Variants in STING1 observed in about 807,000 individuals in gnomAD.
The protein encoded by STING1 is stimulator of interferon genes protein.
Under a neutral mutation model 31.6 loss-of-function variants are expected in STING1, and 19 were observed. The observed-to-expected ratio is 0.60, with a 90% CI of 0.42 to 0.88. The LOEUF (loss-of-function observed/expected upper bound fraction) is 0.88. Among genes scored for constraint, STING1 ranks in the 40% least tolerant of loss-of-function variants. STING1 has a pLI of 0.00. For missense variants in STING1, 371 were observed against 483.7 expected (o/e 0.77, Z 2.19); for synonymous variants, 200 against 208.6 (o/e 0.96, Z 0.35).
chr5:139,481,564 C>T lies in STING1; in HGVS notation c.141G>A (p.Leu47=), dbSNP rs1304541029. Residue 47 remains leucine, a synonymous_variant, in exon 3 of 8, where the codon CTG becomes CTA. Transcript: ENST00000330794. The surrounding 1 kb of genome is among the most constrained non-coding windows in gnomAD (Gnocchi z 4.1). ...GEPPEHTLRY[L]VLHLASLQLG... is the part of the protein sequence containing the mutation. ...GCTGCAGGGAGGCTAGGTGGAGCAC[C>T]AGGTACCGGAGAGTGTGCTCTGGTG... The T allele has an allele frequency of 6.2e-7, 1 of 1,613,922 alleles. No homozygotes were observed. The highest frequency in any genetic ancestry group is 8.5e-7 in the Non-Finnish European group (1 of 1,179,972).
chr5:139,478,008 C>T lies in STING1; in HGVS notation c.759+262G>A, dbSNP rs545364205. ...CTCCTCTGTAAAGTGGGAATGCTAA[C>T]AGTCCCTACCCCATAGGGTGGTGGT... On this transcript the variant is annotated intron_variant, in intron 6 of 7. Transcript: ENST00000330794. Among the ~76,000 whole-genome samples, 5 of 152,338 alleles carry T rather than the reference C, an allele frequency of 3.3e-5. No homozygotes were observed. The South Asian group carries it at 1.0e-3, about 32-fold the overall frequency.
At chr5:139,476,554 C>T (rs551530231) in intron 7 of STING1, 100 bp from the exon 8 acceptor site, 11 of 1,077,622 alleles carry the variant, frequency 1.0e-5, no homozygotes, top group Non-Finnish European at 1.3e-5. Flanking sequence ...ACCCTCCCTA[C>T]CCCCCTTCCT....
In STING1 at chr5:139,475,978, A is replaced by C. The variant is rs1581447402; in HGVS notation, c.*283T>G. 1 of 341,206 alleles carries C rather than the reference A, an allele frequency of 2.9e-6. No individual in the cohort carries two copies. The highest frequency in any genetic ancestry group is 5.4e-6 in the Non-Finnish European group (1 of 183,940). 21.1% of individuals were successfully genotyped at this position (341,206 alleles called of 1,614,324 possible). ...CACCCCCTAAGTACACTAGCATCCAAAGTTTATGAAAAACTTCCACACACT... is the reference window on the plus strand; with the variant it reads ...CACCCCCTAAGTACACTAGCATCCACAGTTTATGAAAAACTTCCACACACT... On this transcript the variant is annotated 3_prime_UTR_variant, in exon 8 of 8. Coordinates refer to ENST00000330794, the MANE Select transcript of STING1 (RefSeq NM_198282.4).
Position 139,476,262 on chromosome 5 carries a change from C to T in STING1, c.1139G>A (p.Ter380=), listed in dbSNP as rs1581447677. The T allele has an allele frequency of 6.4e-7, 1 of 1,574,188 alleles. No homozygotes were observed. Among genetic ancestry groups the T allele is most frequent in the Non-Finnish European group, 8.6e-7 (1 of 1,160,480 alleles). Residue 380 remains the stop codon, a stop_retained_variant, in exon 8 of 8, where the codon TGA becomes TAA. Coordinates refer to ENST00000330794, the MANE Select transcript of STING1 (RefSeq NM_198282.4). ...KPLPLRTDFS[*] ...GCTCTGGCCTGGTGACCCTGGGTCT[C>T]AAGAGAAATCCGTGCGGAGAGGGAG...
At position 139,478,366 on chromosome 5, in the gene STING1, G is replaced by C. The variant is rs772425191; in HGVS notation, c.663C>G (p.Phe221Leu). 3.7e-6 allele frequency: 6 copies of C among 1,614,152 alleles called. No homozygotes were observed. The highest frequency in any genetic ancestry group is 5.1e-6 in the Non-Finnish European group (6 of 1,180,032). ...CGGTCTGCTGGGGCAGTTTATCCAG[G>C]AAGCGAATGTTGGGGTCAGCCATAC... ...NLSMADPNIR[F>L]LDKLPQQTGD... Residue 221 changes from phenylalanine to leucine, a missense_variant, in exon 6 of 8, where the codon TTC (phenylalanine) becomes TTG (leucine). Coordinates refer to ENST00000330794, the MANE Select transcript of STING1 (RefSeq NM_198282.4).
chr5:139,477,467 C>T lies in STING1; in HGVS notation c.808G>A (p.Ala270Thr). 3 of 1,614,184 alleles carry T rather than the reference C, an allele frequency of 1.9e-6. No individual in the cohort carries two copies. The highest frequency in any genetic ancestry group is 1.1e-5 in the South Asian group (1 of 91,088). Residue 270 changes from alanine (A) to threonine (T), a missense_variant, in exon 7 of 8, where the codon GCC becomes ACC. By Grantham distance (58) the Ala-to-Thr change is moderately conservative (BLOSUM62 0). Transcript: ENST00000330794. ...CCAGCTTGACTGTATTGTGACATGG[C>T]AAACAAAGTCTGCAAGGGGGTGGCG... Reference protein sequence around the residue: ...EYATPLQTLFAMSQYSQAGFS... With the variant: ...EYATPLQTLFTMSQYSQAGFS...
At chr5:139,477,957 C>T (rs956327486) in intron 6 of STING1, among the ~76,000 whole-genome samples, 4 of 152,164 alleles carry the variant, frequency 2.6e-5, no homozygotes, top group African/African-American at 9.7e-5. Context: ...GTCCACTTTC[C>T]TACGGTGTCT....
Position 139,481,848 on chromosome 5 carries a change from G to A in STING1, c.1-144C>T. 1 of 665,722 alleles carries A rather than the reference G, an allele frequency of 1.5e-6. No homozygotes were observed. Among genetic ancestry groups the A allele is most frequent in the Non-Finnish European group, 2.6e-6 (1 of 389,736 alleles). The allele number at this position is 665,722 out of a possible 1,614,324, so 41.2% of individuals were successfully genotyped here. On this transcript the variant is annotated intron_variant, in intron 2 of 7. Coordinates refer to ENST00000330794, the MANE Select transcript of STING1 (RefSeq NM_198282.4). The surrounding 1 kb of genome is among the most constrained non-coding windows in gnomAD (Gnocchi z 4.1). ...GAGGCTGCTCTTAGAGACACCTCTA[G>A]GAGGCAGGCTGGGAATAAGTCACCC...
At chr5:139,477,306 C>T in intron 7 of STING1, 23 bp downstream of exon 7, 1 of 1,610,416 alleles carries the variant, frequency 6.2e-7, no homozygotes, top group Non-Finnish European at 8.5e-7. Context: ...GCCTATCAAC[C>T]CCTCACCCTA....
chr5:139,479,452 A>G (rs934390400), intron 5 of STING1, among the ~76,000 whole-genome samples: 1 of 152,014 alleles, frequency 6.6e-6, no homozygotes, highest in African/African-American at 2.4e-5. Context: ...CTATAGTTCT[A>G]GCACTTTGGG....
chr5:139,480,457 A>G (rs1452459363), intron 5 of STING1, among the ~76,000 whole-genome samples: 1 of 152,288 alleles, frequency 6.6e-6, no homozygotes, highest in Non-Finnish European at 1.5e-5. Flanking sequence ...GAGCCAGGAT[A>G]ATCACTTGAA....
Position 139,477,492 on chromosome 5 carries a change from G to A in STING1, c.783C>T (p.Tyr261=), listed in dbSNP as rs537146631. 3.1e-5 allele frequency: 50 copies of A among 1,613,944 alleles called. No individual in the cohort carries two copies. Among genetic ancestry groups the A allele is most frequent in the Admixed American group, 1.2e-4 (7 of 59,998 alleles). The change falls in exon 7 of 8, where the codon TAC becomes TAT. Residue 261 remains tyrosine (Y), a synonymous_variant. Transcript: ENST00000330794. ...GQRAGTCVLE[Y]ATPLQTLFAM... is the part of the protein sequence containing the mutation. ...CAAACAAAGTCTGCAAGGGGGTGGC[G>A]TACTCCAGGACACAGGTGCCCGCCT...
At chr5:139,479,335 G>A (rs1751763818) in intron 5 of STING1, 1 of 151,932 alleles carries the variant, frequency 6.6e-6, no homozygotes, top group African/African-American at 2.4e-5. Context: ...GACAAACCTG[G>A]GTTCAAATCC....
intron 4 of STING1, 28 bp from the exon 5 acceptor site, chr5:139,480,926 G>T: frequency 1.3e-6 from 2 of 1,547,754 alleles, no homozygotes; most frequent in Non-Finnish European, 1.8e-6. Flanking sequence ...TGGCTGGGGG[G>T]CCTCCATCAA....
rs772357103 is a variant in STING1 at position 139,478,279 on chromosome 5, G to T, written c.750C>A (p.Asn250Lys). 1 of 1,612,658 alleles carries T rather than the reference G, an allele frequency of 6.2e-7. No homozygotes were observed. The highest frequency in any genetic ancestry group is 1.3e-5 in the African/African-American group (1 of 74,880). Residue 250 changes from asparagine to lysine, a missense_variant, in exon 6 of 8, where the codon AAC becomes AAA. Asn to Lys is a moderately conservative substitution (Grantham distance 94). Transcript: ENST00000330794. ...YSNSIYELLE[N>K]GQRAGTCVLE... ...TCCCCTGCACACTTACCCGCTGCCC[G>T]TTCTCCAGAAGCTCATAGATGCTGT... is the stretch of plus-strand genomic sequence containing the variant.
Position 139,476,451 on chromosome 5 carries a change from G to C in STING1, c.950C>G (p.Pro317Arg), listed in dbSNP as rs1024519291. ...CAGCGAGAAGCTGCTGTCATCTGCAGGTTCTGGAACAGGGAGATAGGGGAG... is the reference window on the plus strand; with the variant it reads ...CAGCGAGAAGCTGCTGTCATCTGCACGTTCTGGAACAGGGAGATAGGGGAG... ...NNCRLIAYQE[P>R]ADDSSFSLSQ... The change falls in exon 8 of 8, where the codon CCT becomes CGT. Residue 317 changes from proline to arginine, a missense_variant. Pro to Arg is a moderately radical substitution (Grantham distance 103). Transcript: ENST00000330794. 6.2e-7 allele frequency: 1 copy of C among 1,612,150 alleles called. No homozygotes were observed.
At chr5:139,482,371 C>A (rs1223080045) in intron 1 of STING1, 69 bp from the exon 2 acceptor site, 1 of 152,230 alleles carries the variant, frequency 6.6e-6, no homozygotes, top group Non-Finnish European at 1.5e-5. Flanking sequence ...CTCCAAACCG[C>A]AGCTTTACTG....
In STING1 at chr5:139,480,859, C is replaced by T. The variant is rs1394953297; in HGVS notation, c.451G>A (p.Gly151Arg). The T allele has an allele frequency of 1.9e-6, 3 of 1,614,124 alleles. No homozygotes were observed. The highest frequency in any genetic ancestry group is 2.5e-6 in the Non-Finnish European group (3 of 1,179,994). The change falls in exon 5 of 8, where the codon GGG (glycine) becomes AGG (arginine). Residue 151 changes from glycine (G) to arginine (R), a missense_variant. By Grantham distance (125) the Gly-to-Arg change is moderately radical. Coordinates refer to ENST00000330794, the MANE Select transcript of STING1 (RefSeq NM_198282.4). ...AGCCCATGGGCCACGTTGAAATTCC[C>T]TTTTTCACACACTGCAGAGATCTCA... ...PAEISAVCEKGNFNVAHGLAW... is the reference protein window; with the variant it reads ...PAEISAVCEKRNFNVAHGLAW...
chr5:139,479,386 C>T (rs1443523934), intron 5 of STING1, among the ~76,000 whole-genome samples: 2 of 151,618 alleles, frequency 1.3e-5, no homozygotes, highest in Non-Finnish European at 2.9e-5. Flanking sequence ...TCGGATAAAT[C>T]ACTTTACCTC....
Sources: gnomAD v4.1 joint callset for allele counts (sites outside exome capture counted in the v4.1 genomes callset) on GRCh38, gnomAD v4.1.1 for gene constraint, Gnocchi (gnomAD v3.1) non-coding constraint, MANE v1.5 for transcripts, NCBI Gene and HGNC (gene_info 2026-07-23, HGNC 2026-07-21) for gene names.